The following WDR5 variants were observed in gnomAD, a reference collection of about 807,000 sequenced individuals.
WDR5 encodes the protein WD repeat-containing protein 5.
For synonymous variants in WDR5, 144 were observed against 161.6 expected, an observed-to-expected ratio of 0.89 and a Z score of 0.83; for missense variants, 187 against 416.9, an observed-to-expected ratio of 0.45 and a Z score of 4.80.
chr9:134,149,558 C>T (rs1832391216), intron 8 of WDR5, among the ~76,000 whole-genome samples: 1 of 152,226 alleles, frequency 6.6e-6, no homozygotes, highest in Non-Finnish European at 1.5e-5. Flanking sequence ...GTGCCACCCT[C>T]CCGGCCCCTC....
chr9:134,141,985 C>T lies in WDR5; in HGVS notation c.301C>T (p.Leu101Phe). 6.2e-7 allele frequency: 1 copy of T among 1,614,180 alleles called. No individual in the cohort carries two copies. Reference sequence around the variant, plus strand: ...TGTAGCCTGGTCGTCAGATTCTAACCTTCTTGTTTCTGCCTCAGATGACAA... The same window carrying T: ...TGTAGCCTGGTCGTCAGATTCTAACTTTCTTGTTTCTGCCTCAGATGACAA... ...SDVAWSSDSN[L>F]LVSASDDKTL... is the part of the protein sequence containing the mutation. Residue 101 changes from leucine to phenylalanine, a missense_variant, in exon 5 of 14, where the codon CTT (leucine) becomes TTT (phenylalanine). Physicochemically the swap from Leu to Phe is conservative, Grantham distance 22. Coordinates refer to ENST00000358625, the MANE Select transcript of WDR5 (RefSeq NM_017588.3).
intron 8 of WDR5, among the ~76,000 whole-genome samples, chr9:134,150,880 T>A (rs966457604): frequency 1.3e-5 from 2 of 152,136 alleles, no homozygotes; most frequent in Non-Finnish European, 2.9e-5. Flanking sequence ...ATACTAGGAA[T>A]TGCCAGTTAG....
intron 12 of WDR5, 69 bp from the exon 13 acceptor site, chr9:134,156,437 C>G: frequency 1.3e-6 from 2 of 1,486,120 alleles, no homozygotes; most frequent in Non-Finnish European, 1.9e-6. Context: ...TGGAGATTCT[C>G]TCCCTTTCAC....
chr9:134,150,217 G>T (rs1345004230), intron 8 of WDR5, among the ~76,000 whole-genome samples: 1 of 152,128 alleles, frequency 6.6e-6, no homozygotes, highest in East Asian at 1.9e-4. Context: ...TGAGCCTACC[G>T]TGCACAGAAA....
intron 7 of WDR5, among the ~76,000 whole-genome samples, chr9:134,147,221 C>T (rs1468812409): frequency 6.6e-6 from 1 of 152,232 alleles, no homozygotes; most frequent in Non-Finnish European, 1.5e-5. Context: ...GTGTGGCTGG[C>T]AGGCTCTTGC....
At chr9:134,136,438 C>T (rs1487388585) in intron 1 of WDR5, among the ~76,000 whole-genome samples, 6 of 151,934 alleles carry the variant, frequency 3.9e-5, no homozygotes, top group South Asian at 4.1e-4. Flanking sequence ...CCCCCACCTC[C>T]GCCTCCCCGG....
intron 1 of WDR5, among the ~76,000 whole-genome samples, chr9:134,136,471 C>T (rs77944227): frequency 6.6e-6 from 1 of 151,816 alleles, no homozygotes; most frequent in Non-Finnish European, 1.5e-5. Flanking sequence ...AAGGCCAGAG[C>T]GCCGGCACTG....
rs532448869 is a variant in WDR5 at position 134,149,898 on chromosome 9, G to A, written c.584+1555G>A. On this transcript the variant is annotated intron_variant, in intron 8 of 13. Coordinates refer to ENST00000358625, the MANE Select transcript of WDR5 (RefSeq NM_017588.3). ...GGCTCCAGCAGCGAGCTCGGCCACA[G>A]CTCCTAAAGGGGCCCTGGGTATGGT... Among the ~76,000 whole-genome samples, 132 of 152,318 alleles carry A rather than the reference G, an allele frequency of 8.7e-4. 1 individual carries two copies. The highest frequency in any genetic ancestry group is 1.1e-3 in the Non-Finnish European group (74 of 68,026).
intron 9 of WDR5, among the ~76,000 whole-genome samples, chr9:134,152,885 C>G (rs1162708630): frequency 1.3e-5 from 2 of 152,172 alleles, no homozygotes; most frequent in Non-Finnish European, 2.9e-5. Context: ...GCTGCCTTAC[C>G]CTGGCTTCAC....
intron 10 of WDR5, 102 bp from the exon 11 acceptor site, chr9:134,155,238 C>T (rs757111001): frequency 5.0e-5 from 69 of 1,380,766 alleles, no homozygotes; most frequent in Non-Finnish European, 6.6e-5. Flanking sequence ...GGCTTTTGCA[C>T]CTGGCGCTGA....
chr9:134,158,603 A>G lies in WDR5; in HGVS notation c.*610A>G, dbSNP rs1235474039. 2.0e-5 allele frequency: 3 copies of G among 152,390 alleles called. No homozygotes were observed. The highest frequency in any genetic ancestry group is 7.2e-5 in the African/African-American group (3 of 41,462). The allele number at this position is 152,390 out of a possible 1,614,324, so 9.4% of individuals were successfully genotyped here. A position where few individuals can be genotyped will look rare whatever the true frequency, so the allele number is the denominator to read the frequency against. ...TGGCCCACATGCCGATAGCACGGTC[A>G]TCGCACATGACTCTCCCGTTTGTCT... On this transcript the variant is annotated 3_prime_UTR_variant, in exon 14 of 14. Coordinates refer to ENST00000358625, the MANE Select transcript of WDR5 (RefSeq NM_017588.3).
chr9:134,139,316 C>G (rs1332485611), intron 1 of WDR5, among the ~76,000 whole-genome samples: 1 of 152,216 alleles, frequency 6.6e-6, no homozygotes, highest in East Asian at 1.9e-4. Context: ...AGGCGTAGAC[C>G]ACTGGGTGCC....
rs1832817508 is a variant in WDR5 at position 134,157,809 on chromosome 9, G to A, written c.905-84G>A. 1.5e-6 allele frequency: 2 copies of A among 1,373,264 alleles called. No homozygotes were observed. Among genetic ancestry groups the A allele is most frequent in the Admixed American group, 3.5e-5 (2 of 57,020 alleles). 85.1% of individuals were successfully genotyped at this position (1,373,264 alleles called of 1,614,324 possible). Reference sequence around the variant, plus strand: ...CGGGCAGGCGCTACCCGCGTTTCTGGAGAAAGGTGGAGCTCAGTCTGGGAT... The same window carrying A: ...CGGGCAGGCGCTACCCGCGTTTCTGAAGAAAGGTGGAGCTCAGTCTGGGAT... On this transcript the variant is annotated intron_variant, in intron 13 of 13. Transcript: ENST00000358625. This position sits in a 1 kb window ranked among gnomAD's most constrained non-coding sequence, Gnocchi z 5.0.
rs534073719 is a variant in WDR5 at position 134,136,634 on chromosome 9, C to G, written c.-59+434C>G. On this transcript the variant is annotated intron_variant, in intron 1 of 13. Transcript: ENST00000358625. The stretch of plus-strand genomic sequence containing the variant: ...TAGAAACGCCCCCAGCCCGCTCCCG[C>G]CGCTCACCCCAACCCGAGGCAGCCA... 3.9e-5 allele frequency among the ~76,000 whole-genome samples: 6 copies of G among 152,324 alleles called. No homozygotes were observed. The South Asian group carries it at 1.2e-3, about 32-fold the overall frequency.
chr9:134,153,507 C>G (rs1026609529), intron 9 of WDR5, among the ~76,000 whole-genome samples: 1 of 152,242 alleles, frequency 6.6e-6, no homozygotes, highest in East Asian at 1.9e-4. Flanking sequence ...GTTAAGGGAG[C>G]CCGGCCCCCC....
intron 1 of WDR5, 49 bp from the exon 2 acceptor site, chr9:134,139,771 T>A (rs1248403284): frequency 8.2e-6 from 10 of 1,214,400 alleles, no homozygotes; most frequent in African/African-American, 6.1e-5. Flanking sequence ...ATCAATTTTT[T>A]AAAATATAGT....
At chr9:134,148,808 C>T (rs1832347137) in intron 8 of WDR5, among the ~76,000 whole-genome samples, 1 of 152,088 alleles carries the variant, frequency 6.6e-6, no homozygotes, top group African/African-American at 2.4e-5. Flanking sequence ...GACAGGGTCT[C>T]CTGCAGAAAG....
At chr9:134,142,456 G>A (rs781297806) in intron 6 of WDR5, 34 bp downstream of exon 6, 32 of 1,610,070 alleles carry the variant, frequency 2.0e-5, no homozygotes, top group Middle Eastern at 3.3e-4. Context: ...CCTGGGGGAG[G>A]TGGTGTCGGA....
In WDR5 at chr9:134,154,475, A is replaced by AC. The variant is rs780890680; in HGVS notation, c.648dup (p.Val217ArgfsTer42). The AC allele has an allele frequency of 5.6e-6, 9 of 1,613,456 alleles. No homozygotes were observed. On this transcript the variant is annotated frameshift_variant, in exon 10 of 14. Coordinates refer to ENST00000358625, the MANE Select transcript of WDR5 (RefSeq NM_017588.3). LOFTEE classifies it high-confidence loss of function. ...TCCGTTTTTATTGCAGATGACGACA[A>AC]CCCCCCCGTGTCTTTTGTGAAGTTC...
Sources: allele counts gnomAD v4.1 joint callset (sites outside exome capture counted in the v4.1 genomes callset), GRCh38; gene constraint gnomAD v4.1.1; non-coding constraint Gnocchi (gnomAD v3.1); transcripts MANE v1.5; gene names NCBI Gene and HGNC (gene_info 2026-07-23, HGNC 2026-07-21).